The following NCALD variants were observed in gnomAD, a reference collection of about 807,000 sequenced individuals.
NCALD encodes the protein neurocalcin delta, also known as neurocalcin-delta.
NCALD carries 10 observed loss-of-function variants against 18.6 expected under a neutral mutation model. That is an observed-to-expected ratio of 0.54 (90% CI 0.33 to 0.91). NCALD has a LOEUF of 0.91. Among genes scored for constraint, NCALD ranks in the 40% least tolerant of loss-of-function variants. The pLI, the probability that NCALD is intolerant of heterozygous loss-of-function variation, is 0.03. For missense variants in NCALD, 184 were observed against 247.6 expected (o/e 0.74, Z 1.72); for synonymous variants, 88 against 87.4 (o/e 1.01, Z -0.04).
At chr8:101,995,931 T>C (rs1299467778) in intron 2 of NCALD, among the ~76,000 whole-genome samples, 2 of 152,178 alleles carry the variant, frequency 1.3e-5, no homozygotes, top group South Asian at 2.1e-4. Context: ...GCAAACTCTA[T>C]AGATATTCTT....
chr8:101,708,640 G>A (rs547415617), intron 2 of NCALD, among the ~76,000 whole-genome samples: 2 of 151,944 alleles, frequency 1.3e-5, no homozygotes, highest in African/African-American at 2.4e-5. Context: ...TAGGTGTTTC[G>A]ATTAGCTGCA....
At chr8:101,848,179 A>G (rs1237778762) in intron 4 of NCALD, among the ~76,000 whole-genome samples, 1 of 152,116 alleles carries the variant, frequency 6.6e-6, no homozygotes, top group Admixed American at 6.6e-5. Context: ...AAATTGAGGT[A>G]TTCTGGTTCA....
At chr8:101,791,651 T>G (rs1349037537), upstream of NCALD, among the ~76,000 whole-genome samples, 1 of 152,136 alleles carries the variant, frequency 6.6e-6, no homozygotes, top group Non-Finnish European at 1.5e-5. Flanking sequence ...TCAGGATTCC[T>G]GTACTGTAAA....
At chr8:101,943,811 G>T (rs1290094622) in intron 2 of NCALD, among the ~76,000 whole-genome samples, 1 of 151,982 alleles carries the variant, frequency 6.6e-6, no homozygotes, top group Non-Finnish European at 1.5e-5. Context: ...CATGGTGGCG[G>T]GCTCCTGTAG....
chr8:101,910,294 A>G (rs755187077), intron 3 of NCALD, among the ~76,000 whole-genome samples: 45 of 141,578 alleles, frequency 3.2e-4, no homozygotes, highest in South Asian at 4.2e-4. Flanking sequence ...TTTTTATTTG[A>G]CTTGAGGAAA....
Position 101,756,464 on chromosome 8 carries a change from A to G in NCALD, c.-20+34398T>C, listed in dbSNP as rs1321512146. On this transcript the variant is annotated intron_variant, in intron 1 of 3. Transcript: ENST00000220931. Reference sequence around the variant, plus strand: ...AGACTGTACCTGGCCCGTGTTCAACAGCGCCACTGTGTGGCAGTGAAAAGC... The same window carrying G: ...AGACTGTACCTGGCCCGTGTTCAACGGCGCCACTGTGTGGCAGTGAAAAGC... 2.6e-5 allele frequency among the ~76,000 whole-genome samples: 4 copies of G among 152,226 alleles called. No individual in the cohort carries two copies. In the East Asian group the frequency reaches 7.7e-4, roughly 29 times the overall value.
At chr8:101,707,467 A>T (rs928070850) in intron 2 of NCALD, among the ~76,000 whole-genome samples, 1 of 152,132 alleles carries the variant, frequency 6.6e-6, no homozygotes, top group Non-Finnish European at 1.5e-5. Context: ...TGCTGTATAG[A>T]TATGTATGCC....
intron 1 of NCALD, among the ~76,000 whole-genome samples, chr8:102,079,849 T>C (rs561510714): frequency 6.6e-6 from 1 of 152,368 alleles, no homozygotes; most frequent in East Asian, 1.9e-4. Context: ...AGTCCCATCA[T>C]GCTACAAAGC....
At chr8:101,797,185 C>T (rs1812668306) in intron 4 of NCALD, among the ~76,000 whole-genome samples, 1 of 152,186 alleles carries the variant, frequency 6.6e-6, no homozygotes, top group Non-Finnish European at 1.5e-5. Flanking sequence ...TCAACCTTGG[C>T]AAAATAAACT....
chr8:102,122,455 GAAC>G (rs1181985533), intron 1 of NCALD, among the ~76,000 whole-genome samples: 1 of 152,166 alleles, frequency 6.6e-6, no homozygotes, highest in Non-Finnish European at 1.5e-5. Flanking sequence ...TCCTGATTGG[GAAC>G]AACAAGCTCA....
intron 4 of NCALD, among the ~76,000 whole-genome samples, chr8:101,853,836 C>T (rs752459789): frequency 3.9e-5 from 6 of 152,028 alleles, no homozygotes; most frequent in Admixed American, 6.6e-5. Context: ...GGACCCTGCT[C>T]CCCCCATTTC....
At chr8:101,784,414 G>A (rs959104056) in intron 1 of NCALD, among the ~76,000 whole-genome samples, 3 of 152,102 alleles carry the variant, frequency 2.0e-5, no homozygotes, top group Non-Finnish European at 4.4e-5. Context: ...TATTTCCACT[G>A]TACTCTATCA....
intron 1 of NCALD, among the ~76,000 whole-genome samples, chr8:102,093,163 CAA>C (rs556834019): frequency 7.2e-6 from 1 of 138,054 alleles, no homozygotes; most frequent in African/African-American, 2.7e-5. Context: ...TGTCTCCAAA[CAA>C]AAAAAAAAAA....
At chr8:101,885,411 T>C (rs1264535192) in intron 4 of NCALD, among the ~76,000 whole-genome samples, 1 of 152,198 alleles carries the variant, frequency 6.6e-6, no homozygotes, top group African/African-American at 2.4e-5. Flanking sequence ...AGTCAGGCCA[T>C]TCTTATGGAA....
At chr8:101,775,195 C>T (rs1811742849) in intron 1 of NCALD, among the ~76,000 whole-genome samples, 1 of 152,154 alleles carries the variant, frequency 6.6e-6, no homozygotes, top group Non-Finnish European at 1.5e-5. Context: ...CAGATTATGA[C>T]TTCATAACTT....
chr8:101,880,982 A>G (rs1347502990), intron 4 of NCALD, among the ~76,000 whole-genome samples: 1 of 152,186 alleles, frequency 6.6e-6, no homozygotes, highest in East Asian at 1.9e-4. Flanking sequence ...GATAATCAGA[A>G]GTCCTTAATA....
At chr8:101,696,446 G>A (rs1814996294) in intron 2 of NCALD, among the ~76,000 whole-genome samples, 1 of 152,156 alleles carries the variant, frequency 6.6e-6, no homozygotes, top group African/African-American at 2.4e-5. Context: ...AATGATGATT[G>A]CACAAAGACG....
intron 1 of NCALD, among the ~76,000 whole-genome samples, chr8:101,742,510 A>G (rs28590187): frequency 0.025 from 3,777 of 152,312 alleles, 158 homozygotes; most frequent in African/African-American, 0.086. Flanking sequence ...CTGTATTCAT[A>G]GAGAAGTGAT....
At chr8:101,837,462 A>G (rs986166067) in intron 4 of NCALD, among the ~76,000 whole-genome samples, 5 of 152,246 alleles carry the variant, frequency 3.3e-5, no homozygotes, top group Admixed American at 2.0e-4. Context: ...TTGATGAATA[A>G]GCAAAACGTG....
Sources: gnomAD v4.1 joint callset for allele counts (sites outside exome capture counted in the v4.1 genomes callset) on GRCh38, gnomAD v4.1.1 for gene constraint, MANE v1.5 for transcripts, NCBI Gene and HGNC (gene_info 2026-07-23, HGNC 2026-07-21) for gene names.